Variants in FREM3 observed in about 807,000 individuals in gnomAD.
FREM3 encodes FRAS1-related extracellular matrix protein 3.
A neutral mutation model predicts 129.1 loss-of-function variants in FREM3; 105 were observed. The ratio of observed to expected loss-of-function variants is 0.81; its 90% CI spans 0.69 to 0.96. The LOEUF is 0.96. FREM3 is among the 40% of genes least tolerant of loss of function. FREM3 has a pLI of 0.00. For missense variants in FREM3, 2,593 were observed against 2,666.3 expected (o/e 0.97, Z 0.61); for synonymous variants, 1,014 against 1,044.9 (o/e 0.97, Z 0.57).
intron 6 of FREM3, among the ~76,000 whole-genome samples, chr4:143,595,470 G>A (rs75455551): frequency 1.3e-5 from 2 of 152,162 alleles, no homozygotes; most frequent in African/African-American, 2.4e-5. Context: ...TAAGCATGGT[G>A]CTAGTTACTG....
intron 2 of FREM3, among the ~76,000 whole-genome samples, chr4:143,638,537 C>T (rs1425713493): frequency 6.6e-6 from 1 of 152,108 alleles, no homozygotes. Context: ...GAATCATGCT[C>T]ATTTTCGGAT....
chr4:143,675,422 C>G (rs999121199), intron 2 of FREM3, among the ~76,000 whole-genome samples: 1 of 151,886 alleles, frequency 6.6e-6, no homozygotes, highest in African/African-American at 2.4e-5. Flanking sequence ...GCACTAAATG[C>G]CCACAAGAGA....
At chr4:143,652,503 T>A (rs1739530729) in intron 2 of FREM3, among the ~76,000 whole-genome samples, 1 of 152,178 alleles carries the variant, frequency 6.6e-6, no homozygotes, top group Non-Finnish European at 1.5e-5. Context: ...TAAAGAGTTT[T>A]AAAAGCCTTA....
In FREM3 at chr4:143,697,624, C is replaced by A. The variant is rs1740600662; in HGVS notation, c.3052G>T (p.Ala1018Ser). The A allele has an allele frequency of 6.5e-7, 1 of 1,537,712 alleles. No individual in the cohort carries two copies. Among genetic ancestry groups the A allele is most frequent in the Admixed American group, 2.0e-5 (1 of 50,990 alleles). The change falls in exon 1 of 8, where the codon GCC becomes TCC. Residue 1018 changes from alanine (A) to serine (S), a missense_variant. Ala to Ser is a moderately conservative substitution (Grantham distance 99). Transcript: ENST00000329798. ...TQEDLINGRV[A>S]YAHTAGEVGF... ...ACTTCACCTGCAGTGTGGGCATAGG[C>A]TACTCTCCCATTGATGAGATCCTCT...
At position 143,698,884 on chromosome 4, in the gene FREM3, C is replaced by G. The variant is rs1301073682; in HGVS notation, c.1792G>C (p.Glu598Gln). 1 of 1,537,536 alleles carries G rather than the reference C, an allele frequency of 6.5e-7. No homozygotes were observed. ...LKGNEEEPQW[E>Q]LAPGSSHSGH... The stretch of plus-strand genomic sequence containing the variant: ...GAGTGGGAGGAACCAGGGGCCAACT[C>G]CCACTGAGGCTCTTCCTCATTTCCT... The change falls in exon 1 of 8, where the codon GAG (glutamate) becomes CAG (glutamine). Residue 598 changes from glutamate to glutamine, a missense_variant. Physicochemically the swap from Glu to Gln is conservative, Grantham distance 29. Around this residue, in one of 2 missense-constraint regions of FREM3, gnomAD observed 2,276 missense variants for 2,267.2 expected, o/e 1.00. Transcript: ENST00000329798.
chr4:143,596,486 G>T (rs1232913809), intron 6 of FREM3, among the ~76,000 whole-genome samples: 1 of 152,130 alleles, frequency 6.6e-6, no homozygotes, highest in African/African-American at 2.4e-5. Flanking sequence ...GGGAGTGGGA[G>T]GCACTAATTC....
chr4:143,601,269 T>C (rs2069864602), intron 6 of FREM3, among the ~76,000 whole-genome samples: 1 of 152,202 alleles, frequency 6.6e-6, no homozygotes, highest in South Asian at 2.1e-4. Context: ...AATGACACTT[T>C]GTTTATGCAC....
chr4:143,644,179 GT>G (rs1739373660), intron 2 of FREM3, among the ~76,000 whole-genome samples: 2 of 40,408 alleles, frequency 4.9e-5, no homozygotes, highest in African/African-American at 1.1e-4. Flanking sequence ...CTCTGCATAT[GT>G]GTGTGTGTGT....
Position 143,697,517 on chromosome 4 carries a change from T to C in FREM3, c.3159A>G (p.Ile1053Met), listed in dbSNP as rs1312429609. 2.0e-5 allele frequency: 31 copies of C among 1,537,186 alleles called. No individual in the cohort carries two copies. The South Asian group carries it at 3.7e-4, about 18-fold the overall frequency. The change falls in exon 1 of 8, where the codon ATA (isoleucine) becomes ATG (methionine). Residue 1053 changes from isoleucine to methionine, a missense_variant. By Grantham distance (10) the Ile-to-Met change is conservative. Transcript: ENST00000329798. ...SYQWVVGNSIIEKVQVQVTVL... is the reference protein window; with the variant it reads ...SYQWVVGNSIMEKVQVQVTVL... ...CAGTTACTTGTACCTGTACTTTCTC[T>C]ATTATGCTATTCCCCACTACCCATT...
chr4:143,642,970 A>G (rs543801074), intron 2 of FREM3, among the ~76,000 whole-genome samples: 1 of 152,304 alleles, frequency 6.6e-6, no homozygotes, highest in African/African-American at 2.4e-5. Flanking sequence ...CTTAATAAAC[A>G]TTTCTCAAAA....
intron 6 of FREM3, among the ~76,000 whole-genome samples, chr4:143,607,941 A>AGGCATTC (rs1424277018): frequency 3.3e-5 from 5 of 152,152 alleles, no homozygotes; most frequent in Non-Finnish European, 5.9e-5. Flanking sequence ...TCTAGCTTCT[A>AGGCATTC]AAGGCTGCCT....
Position 143,628,959 on chromosome 4 carries a change from G to C in FREM3, c.5276-1199C>G, listed in dbSNP as rs1365564597. Reference sequence around the variant, plus strand: ...AAAGAAAGCAGGTATATGGACTAGAGGTGGGTCATCTGTCCAGTAGGGCCA... The same window carrying C: ...AAAGAAAGCAGGTATATGGACTAGACGTGGGTCATCTGTCCAGTAGGGCCA... On this transcript the variant is annotated intron_variant, in intron 2 of 7. Transcript: ENST00000329798. Among the ~76,000 whole-genome samples the C allele has an allele frequency of 3.9e-5, 6 of 152,146 alleles. No homozygotes were observed. In the East Asian group the frequency reaches 1.2e-3, roughly 29 times the overall value.
At chr4:143,638,377 G>A (rs1450237) in intron 2 of FREM3, among the ~76,000 whole-genome samples, 78,231 of 151,978 alleles carry the variant, frequency 0.51, 20,568 homozygotes, top group East Asian at 0.84. Context: ...GGCTCCACAT[G>A]GCTTAACTGG....
At chr4:143,674,177 C>T (rs1740060101) in intron 2 of FREM3, among the ~76,000 whole-genome samples, 1 of 151,996 alleles carries the variant, frequency 6.6e-6, no homozygotes, top group African/African-American at 2.4e-5. Flanking sequence ...CCATCTTCTG[C>T]AGAAATCACC....
Position 143,677,123 on chromosome 4 carries a change from C to T in FREM3, c.5275+15990G>A, listed in dbSNP as rs1468368592. ...CAAAAGAACAAAGCTGGAGGCATCACGCTACCTGACTTCAGACTATACTAC... is the reference window on the plus strand; with the variant it reads ...CAAAAGAACAAAGCTGGAGGCATCATGCTACCTGACTTCAGACTATACTAC... On this transcript the variant is annotated intron_variant, in intron 2 of 7. Transcript: ENST00000329798. Among the ~76,000 whole-genome samples, 9 of 152,256 alleles carry T rather than the reference C, an allele frequency of 5.9e-5. No homozygotes were observed. The South Asian group carries it at 6.2e-4, about 11-fold the overall frequency.
chr4:143,582,136 C>G (rs565784802), intron 7 of FREM3, among the ~76,000 whole-genome samples: 15 of 152,306 alleles, frequency 9.8e-5, no homozygotes, highest in Non-Finnish European at 1.3e-4. Context: ...GCCATTACCA[C>G]TGCTAAGGTC....
chr4:143,609,211 G>C (rs975230977), intron 6 of FREM3, among the ~76,000 whole-genome samples: 1 of 152,082 alleles, frequency 6.6e-6, no homozygotes, highest in Non-Finnish European at 1.5e-5. Context: ...TGACTCTGTT[G>C]TTCCACTTTT....
intron 6 of FREM3, among the ~76,000 whole-genome samples, chr4:143,595,585 T>C (rs1180779640): frequency 6.6e-6 from 1 of 152,102 alleles, no homozygotes; most frequent in Non-Finnish European, 1.5e-5. Flanking sequence ...TTCATTCAGC[T>C]ATGCTATAGC....
chr4:143,632,786 A>G (rs1301051033), intron 2 of FREM3, among the ~76,000 whole-genome samples: 1 of 151,958 alleles, frequency 6.6e-6, no homozygotes, highest in Non-Finnish European at 1.5e-5. Flanking sequence ...CATAAAATAC[A>G]CTACATAACA....
Sources: gnomAD v4.1 joint callset for allele counts (sites outside exome capture counted in the v4.1 genomes callset) on GRCh38, gnomAD v4.1.1 for gene constraint, gnomAD v4.1.1 regional missense constraint, MANE v1.5 for transcripts, NCBI Gene and HGNC (gene_info 2026-07-23, HGNC 2026-07-21) for gene names.